GALNT13: variants seen among roughly 807,000 people sequenced by gnomAD.
GALNT13 encodes polypeptide N-acetylgalactosaminyltransferase 13, also known as UDP-GalNAc:polypeptide N-acetylgalactosaminyltransferase 13.
In GALNT13, 28 loss-of-function variants were observed where a neutral mutation model predicts 64.2. The observed-to-expected ratio is 0.44, with a 90% CI of 0.32 to 0.60. GALNT13 has a LOEUF of 0.60. GALNT13 is among the 20% of genes least tolerant of loss of function. The pLI, the probability that GALNT13 is intolerant of heterozygous loss-of-function variation, is 0.05. For missense variants in GALNT13, 577 were observed against 669.8 expected, an observed-to-expected ratio of 0.86 and a Z score of 1.53; for synonymous variants, 214 against 224.6, an observed-to-expected ratio of 0.95 and a Z score of 0.42.
At chr2:154,038,169 G>T (rs1698772077) in intron 3 of GALNT13, among the ~76,000 whole-genome samples, 2 of 152,188 alleles carry the variant, frequency 1.3e-5, no homozygotes, top group Non-Finnish European at 2.9e-5. Context: ...TGGATTGAAA[G>T]AATTAATATT....
the GALNT13 span, among the ~76,000 whole-genome samples, chr2:153,636,296 A>G: frequency 6.6e-6 from 1 of 152,080 alleles, no homozygotes. Flanking sequence ...TTTAATGAAA[A>G]CCAGAACAGC....
At chr2:153,232,358 G>C in the GALNT13 span, among the ~76,000 whole-genome samples, 1 of 152,154 alleles carries the variant, frequency 6.6e-6, no homozygotes, top group Admixed American at 6.5e-5. Context: ...GAGGTTAATT[G>C]TCATTGTCAT....
chr2:153,112,314 CT>C, the GALNT13 span, among the ~76,000 whole-genome samples: 2 of 152,102 alleles, frequency 1.3e-5, no homozygotes, highest in Non-Finnish European at 2.9e-5. Context: ...AGGCTCTACC[CT>C]TCATTAGCTG....
At chr2:153,385,898 AATAAAG>A in the GALNT13 span, among the ~76,000 whole-genome samples, 4 of 151,988 alleles carry the variant, frequency 2.6e-5, no homozygotes, top group Non-Finnish European at 5.9e-5. Flanking sequence ...GATGTGAGAA[AATAAAG>A]ATAGAGTAGG....
At chr2:153,415,345 G>A in the GALNT13 span, among the ~76,000 whole-genome samples, 1 of 152,146 alleles carries the variant, frequency 6.6e-6, no homozygotes, top group African/African-American at 2.4e-5. Flanking sequence ...ATCCAAGCCT[G>A]AACCACGGTC....
At chr2:153,629,477 C>T in the GALNT13 span, among the ~76,000 whole-genome samples, 2 of 152,060 alleles carry the variant, frequency 1.3e-5, no homozygotes, top group Non-Finnish European at 2.9e-5. Context: ...CCCTTCCTTA[C>T]ACCTTATACA....
the GALNT13 span, among the ~76,000 whole-genome samples, chr2:153,780,240 T>TATATGC: frequency 0.01 from 198 of 19,370 alleles, 4 homozygotes; most frequent in Middle Eastern, 0.1. Context: ...TATATATATA[T>TATATGC]ATATATATAT....
the GALNT13 span, among the ~76,000 whole-genome samples, chr2:153,718,944 T>C: frequency 6.6e-6 from 1 of 152,168 alleles, no homozygotes; most frequent in Non-Finnish European, 1.5e-5. Flanking sequence ...TCTGTTTATA[T>C]AAGAAGAAAT....
At chr2:154,250,265 A>G (rs913047143) in intron 7 of GALNT13, among the ~76,000 whole-genome samples, 1 of 152,108 alleles carries the variant, frequency 6.6e-6, no homozygotes, top group African/African-American at 2.4e-5. Flanking sequence ...GAAGCAGAAC[A>G]CCAATGAGCC....
At chr2:153,103,850 C>T in the GALNT13 span, among the ~76,000 whole-genome samples, 38 of 152,198 alleles carry the variant, frequency 2.5e-4, no homozygotes, top group Non-Finnish European at 4.7e-4. Context: ...GAAATCTGGT[C>T]TCTACTGCCC....
chr2:153,665,711 G>T, the GALNT13 span, among the ~76,000 whole-genome samples: 1 of 152,106 alleles, frequency 6.6e-6, no homozygotes, highest in Admixed American at 6.5e-5. Context: ...CTAATTCCTA[G>T]CCCCAAGCAA....
chr2:154,454,004 T>C (rs1701970794), downstream of GALNT13, among the ~76,000 whole-genome samples: 2 of 152,162 alleles, frequency 1.3e-5, no homozygotes, highest in South Asian at 4.1e-4. Context: ...AAGCTAAAAA[T>C]GGTTTTTATT....
At chr2:154,055,721 G>T (rs943444139) in intron 3 of GALNT13, among the ~76,000 whole-genome samples, 3 of 152,196 alleles carry the variant, frequency 2.0e-5, no homozygotes, top group East Asian at 3.9e-4. Flanking sequence ...AGGCAAGCCA[G>T]TATCCAGATT....
chr2:153,378,389 A>G, the GALNT13 span, among the ~76,000 whole-genome samples: 1 of 152,038 alleles, frequency 6.6e-6, no homozygotes, highest in Non-Finnish European at 1.5e-5. Flanking sequence ...ACTTAAATGT[A>G]TTTGGAACAT....
the GALNT13 span, among the ~76,000 whole-genome samples, chr2:153,334,929 T>C: frequency 1.3e-5 from 2 of 152,172 alleles, no homozygotes; most frequent in Non-Finnish European, 2.9e-5. Flanking sequence ...CCCAGAATTC[T>C]GACATGTTTT....
chr2:153,879,357 C>T (rs1425008999), intron 1 of GALNT13, among the ~76,000 whole-genome samples: 1 of 148,446 alleles, frequency 6.7e-6, no homozygotes, highest in Non-Finnish European at 1.5e-5. Flanking sequence ...AAACTACCTA[C>T]GTGTGTGTGT....
chr2:153,458,031 CA>C, the GALNT13 span, among the ~76,000 whole-genome samples: 1 of 152,080 alleles, frequency 6.6e-6, no homozygotes, highest in African/African-American at 2.4e-5. Context: ...CTTTTTGTTT[CA>C]ATGGTTACCA....
chr2:154,218,672 T>C (rs1256682602), intron 4 of GALNT13, among the ~76,000 whole-genome samples: 2 of 152,092 alleles, frequency 1.3e-5, no homozygotes, highest in East Asian at 3.9e-4. Context: ...TAAGCCTCCA[T>C]CAAATCACTT....
chr2:153,688,977 T>G, the GALNT13 span, among the ~76,000 whole-genome samples: 2 of 141,420 alleles, frequency 1.4e-5, no homozygotes, highest in African/African-American at 5.3e-5. Flanking sequence ...TGTTAGGTCA[T>G]AGGTAGAGGT....
Sources: allele counts gnomAD v4.1 joint callset (sites outside exome capture counted in the v4.1 genomes callset), GRCh38; gene constraint gnomAD v4.1.1; transcripts MANE v1.5; gene names NCBI Gene and HGNC (gene_info 2026-07-23, HGNC 2026-07-21).